CDH12: variants seen among roughly 807,000 people sequenced by gnomAD.
CDH12 encodes cadherin 12.
A neutral mutation model predicts 74.1 loss-of-function variants in CDH12; 41 were observed. The observed-to-expected ratio is 0.55, with a 90% CI of 0.43 to 0.72. CDH12 has a LOEUF of 0.72. CDH12 is among the 30% of genes least tolerant of loss of function. The pLI is 0.00. For synonymous variants in CDH12, 399 were observed against 355.0 expected (o/e 1.12, Z -1.39); for missense variants, 945 against 977.2 (o/e 0.97, Z 0.44).
At chr5:22,764,500 A>C (rs892778496) in intron 1 of CDH12, among the ~76,000 whole-genome samples, 1 of 152,034 alleles carries the variant, frequency 6.6e-6, no homozygotes, top group Non-Finnish European at 1.5e-5. Flanking sequence ...TAGAATCATA[A>C]ATATGCACAA....
rs138272311 is a variant in CDH12 at position 22,782,922 on chromosome 5, A to G, written c.-523+70136T>C. Among the ~76,000 whole-genome samples, 1,308 of 152,288 alleles carry G rather than the reference A, an allele frequency of 8.6e-3. 13 individuals are homozygous for G. The highest frequency in any genetic ancestry group is 0.03 in the African/African-American group (1,244 of 41,558). On this transcript the variant is annotated intron_variant, in intron 1 of 14. Transcript: ENST00000382254. ...AAATAAAAACTTTCATTTACTTCTAAATACTTCCTGCTAGCAACATTCACT... is the reference window on the plus strand; with the variant it reads ...AAATAAAAACTTTCATTTACTTCTAGATACTTCCTGCTAGCAACATTCACT...
chr5:22,016,593 C>T (rs1342278642), intron 5 of CDH12, among the ~76,000 whole-genome samples: 8 of 152,002 alleles, frequency 5.3e-5, no homozygotes, highest in African/African-American at 1.7e-4. Flanking sequence ...ACCATGTTGG[C>T]CAGGATGATC....
intron 2 of CDH12, among the ~76,000 whole-genome samples, chr5:22,437,279 A>C (rs1293641467): frequency 6.6e-6 from 1 of 151,654 alleles, no homozygotes; most frequent in East Asian, 1.9e-4. Context: ...TGGATTTAGC[A>C]CAACAAAAGT....
intron 2 of CDH12, among the ~76,000 whole-genome samples, chr5:22,450,627 TA>T (rs1342212158): frequency 1.3e-5 from 2 of 151,994 alleles, no homozygotes; most frequent in Non-Finnish European, 2.9e-5. Context: ...TTATGTTACC[TA>T]AATCCTTTCC....
chr5:22,033,933 G>T (rs913954767), intron 5 of CDH12, among the ~76,000 whole-genome samples: 18 of 152,088 alleles, frequency 1.2e-4, no homozygotes, highest in African/African-American at 4.3e-4. Flanking sequence ...TCCCTAGCTG[G>T]AATATAAACT....
intron 1 of CDH12, among the ~76,000 whole-genome samples, chr5:22,769,122 T>A (rs369246761): frequency 1.3e-5 from 2 of 152,246 alleles, no homozygotes; most frequent in East Asian, 3.9e-4. Flanking sequence ...CTTGATTGAA[T>A]TGAGGGATGC....
At chr5:22,055,493 C>T (rs1740673463) in intron 5 of CDH12, among the ~76,000 whole-genome samples, 1 of 152,026 alleles carries the variant, frequency 6.6e-6, no homozygotes, top group Non-Finnish European at 1.5e-5. Context: ...TGCTCTTTTC[C>T]ATTTCTCTAA....
At chr5:22,658,413 T>C (rs925224878) in intron 1 of CDH12, among the ~76,000 whole-genome samples, 1 of 152,174 alleles carries the variant, frequency 6.6e-6, no homozygotes, top group Non-Finnish European at 1.5e-5. Context: ...TATAAAGGTA[T>C]ATATTTTCTT....
At chr5:21,755,375 TC>T in intron 14 of CDH12, among the ~76,000 whole-genome samples, 1 of 152,216 alleles carries the variant, frequency 6.6e-6, no homozygotes, top group South Asian at 2.1e-4. Flanking sequence ...TATTTATTTA[TC>T]CCCAATAATA....
intron 3 of CDH12, among the ~76,000 whole-genome samples, chr5:22,237,756 G>C (rs1041717847): frequency 1.3e-5 from 2 of 152,150 alleles, no homozygotes; most frequent in African/African-American, 4.8e-5. Context: ...ATAAATTTTA[G>C]ACAGAAATCA....
intron 6 of CDH12, among the ~76,000 whole-genome samples, chr5:21,858,563 C>T (rs961062377): frequency 6.6e-6 from 1 of 151,902 alleles, no homozygotes; most frequent in Non-Finnish European, 1.5e-5. Context: ...AATACATTTA[C>T]ACAGACACAA....
intron 11 of CDH12, among the ~76,000 whole-genome samples, chr5:21,773,070 G>C (rs541206490): frequency 6.6e-6 from 1 of 152,082 alleles, no homozygotes; most frequent in East Asian, 1.9e-4. Context: ...TGAGAAAAAT[G>C]GTATTATTTC....
At chr5:22,040,419 G>A (rs1252322143) in intron 5 of CDH12, among the ~76,000 whole-genome samples, 2 of 152,130 alleles carry the variant, frequency 1.3e-5, no homozygotes, top group Non-Finnish European at 2.9e-5. Context: ...CTCCCCAAGT[G>A]TGGGAAGACA....
At chr5:22,374,907 A>G (rs558793469) in intron 3 of CDH12, among the ~76,000 whole-genome samples, 6 of 152,224 alleles carry the variant, frequency 3.9e-5, no homozygotes, top group Admixed American at 2.6e-4. Flanking sequence ...GATTCCATGC[A>G]ATCTCTATCA....
chr5:21,929,632 C>A (rs1175274046), intron 6 of CDH12, among the ~76,000 whole-genome samples: 1 of 152,088 alleles, frequency 6.6e-6, no homozygotes, highest in East Asian at 1.9e-4. Context: ...ATCCTCTCAC[C>A]TCAGCCTCCC....
intron 6 of CDH12, among the ~76,000 whole-genome samples, chr5:21,972,057 C>A (rs1756875145): frequency 6.6e-6 from 1 of 152,062 alleles, no homozygotes; most frequent in African/African-American, 2.4e-5. Context: ...ACAATATGTT[C>A]TTTGTAATGT....
rs532661684 is a variant in CDH12, at chr5:22,503,200, C to A, written c.-428+2070G>T. ...TTGCATGATTTATAATAAATTCATACAATTACTTAAGTAAACATGAATATA... is the reference window on the plus strand; with the variant it reads ...TTGCATGATTTATAATAAATTCATAAAATTACTTAAGTAAACATGAATATA... On this transcript the variant is annotated intron_variant, in intron 2 of 14. Transcript: ENST00000382254. Among the ~76,000 whole-genome samples the A allele has an allele frequency of 1.9e-4, 29 of 152,094 alleles. No homozygotes were observed. In the South Asian group the frequency reaches 6.0e-3, roughly 32 times the overall value.
chr5:21,944,475 G>T (rs1755479083), intron 6 of CDH12, among the ~76,000 whole-genome samples: 2 of 152,116 alleles, frequency 1.3e-5, no homozygotes, highest in Non-Finnish European at 2.9e-5. Flanking sequence ...TCTAAAGAAT[G>T]ACCTCAATTA....
intron 11 of CDH12, among the ~76,000 whole-genome samples, chr5:21,767,351 G>A (rs1210967034): frequency 6.6e-6 from 1 of 151,446 alleles, no homozygotes; most frequent in African/African-American, 2.4e-5. Context: ...ATTTAGGCCT[G>A]GTTTATCTAT....
Sources: gnomAD v4.1 joint callset for allele counts (sites outside exome capture counted in the v4.1 genomes callset) on GRCh38, gnomAD v4.1.1 for gene constraint, MANE v1.5 for transcripts, NCBI Gene and HGNC (gene_info 2026-07-23, HGNC 2026-07-21) for gene names.